Variants in ZFHX3 observed in about 807,000 individuals in gnomAD.
ZFHX3 encodes zinc finger homeobox protein 3.
In ZFHX3, 42 loss-of-function variants were observed where a neutral mutation model predicts 279.1. The ratio of observed to expected loss-of-function variants is 0.15; its 90% CI spans 0.12 to 0.19. ZFHX3 has a LOEUF of 0.19. Among genes scored for constraint, ZFHX3 ranks in the 10% least tolerant of loss-of-function variants. ZFHX3 has a pLI of 1.00. For synonymous variants in ZFHX3, 2,293 were observed against 1,957.8 expected (o/e 1.17, Z -4.52); for missense variants, 4,981 against 4,754.0 (o/e 1.05, Z -1.40).
intron 2 of ZFHX3, among the ~76,000 whole-genome samples, chr16:73,580,392 C>A (rs1441276791): frequency 6.6e-6 from 1 of 151,908 alleles, no homozygotes; most frequent in Non-Finnish European, 1.5e-5. Flanking sequence ...GCAGGAGAAT[C>A]TCTTGTACCC....
chr16:73,132,770 C>G (rs898529392), intron 6 of ZFHX3, among the ~76,000 whole-genome samples: 1 of 152,182 alleles, frequency 6.6e-6, no homozygotes, highest in Non-Finnish European at 1.5e-5. Context: ...AATCGTGTCA[C>G]AGTCACAGCC....
At chr16:73,617,035 T>A (rs1236406627) in intron 2 of ZFHX3, among the ~76,000 whole-genome samples, 2 of 152,208 alleles carry the variant, frequency 1.3e-5, no homozygotes, top group Non-Finnish European at 2.9e-5. Context: ...CTGTGTCAAC[T>A]CTATTAATCA....
intron 5 of ZFHX3, among the ~76,000 whole-genome samples, chr16:73,225,209 A>G (rs994079819): frequency 6.6e-6 from 1 of 152,234 alleles, no homozygotes; most frequent in Non-Finnish European, 1.5e-5. Flanking sequence ...ACTAGTTTAA[A>G]GAATCCTTTT....
intron 1 of ZFHX3, among the ~76,000 whole-genome samples, chr16:73,820,632 G>A (rs1384811588): frequency 2.0e-5 from 3 of 152,004 alleles, no homozygotes; most frequent in Non-Finnish European, 2.9e-5. Context: ...AACCCCCTGT[G>A]AGACTCCAAG....
intron 3 of ZFHX3, among the ~76,000 whole-genome samples, chr16:72,927,401 C>A (rs1372170060): frequency 6.6e-6 from 1 of 152,200 alleles, no homozygotes; most frequent in Non-Finnish European, 1.5e-5. Flanking sequence ...CTTCTGAGGG[C>A]AACACCTGCT....
chr16:73,293,571 C>T (rs2014827790), intron 4 of ZFHX3, among the ~76,000 whole-genome samples: 1 of 152,150 alleles, frequency 6.6e-6, no homozygotes, highest in South Asian at 2.1e-4. Context: ...CCCCATGGAT[C>T]TGGGAATGAG....
chr16:73,783,114 C>G (rs1259689780), intron 1 of ZFHX3, among the ~76,000 whole-genome samples: 1 of 152,170 alleles, frequency 6.6e-6, no homozygotes, highest in East Asian at 1.9e-4. Context: ...CACTTATTCT[C>G]CAGCTGCCCG....
At chr16:72,864,066 G>A (rs770797336) in intron 4 of ZFHX3, among the ~76,000 whole-genome samples, 2 of 151,986 alleles carry the variant, frequency 1.3e-5, no homozygotes, top group African/African-American at 2.4e-5. Flanking sequence ...GCAGTGAGCC[G>A]AGACAGTGCC....
chr16:72,938,494 G>T (rs72795122), intron 3 of ZFHX3, among the ~76,000 whole-genome samples: 1 of 152,236 alleles, frequency 6.6e-6, no homozygotes, highest in African/African-American at 2.4e-5. Flanking sequence ...ACAGGCGTCC[G>T]AATGTGTTTG....
chr16:72,984,856 A>C (rs1032946978), intron 1 of ZFHX3, among the ~76,000 whole-genome samples: 4 of 152,142 alleles, frequency 2.6e-5, no homozygotes, highest in Admixed American at 2.6e-4. Flanking sequence ...TATGCATTAC[A>C]TGTTTACATA....
chr16:73,708,925 C>T (rs2053330819), intron 1 of ZFHX3, among the ~76,000 whole-genome samples: 1 of 152,116 alleles, frequency 6.6e-6, no homozygotes, highest in South Asian at 2.1e-4. Context: ...GTCTCCTCTC[C>T]CATGATACGT....
chr16:73,038,067 C>T (rs1184244507), intron 1 of ZFHX3, among the ~76,000 whole-genome samples: 1 of 152,204 alleles, frequency 6.6e-6, no homozygotes, highest in Non-Finnish European at 1.5e-5. Flanking sequence ...TTAGACTTTC[C>T]AAAACAAGGT....
At chr16:73,022,542 T>C (rs535745577) in intron 1 of ZFHX3, among the ~76,000 whole-genome samples, 1 of 152,118 alleles carries the variant, frequency 6.6e-6, no homozygotes, top group Non-Finnish European at 1.5e-5. Context: ...TGGATGCCAG[T>C]AGCATCCTCT....
chr16:72,853,980 G>A (rs2037684626), intron 4 of ZFHX3, among the ~76,000 whole-genome samples: 1 of 151,778 alleles, frequency 6.6e-6, no homozygotes, highest in South Asian at 2.1e-4. Flanking sequence ...GAAAAGAAAA[G>A]AAAAAGCTTT....
chr16:72,853,571 G>C (rs2037672213), intron 4 of ZFHX3, among the ~76,000 whole-genome samples: 4 of 152,326 alleles, frequency 2.6e-5, no homozygotes, highest in South Asian at 2.1e-4. Context: ...TCCTGCTAAA[G>C]TGTTTTTTAA....
intron 2 of ZFHX3, among the ~76,000 whole-genome samples, chr16:73,544,621 T>TG (rs1171056056): frequency 6.6e-6 from 1 of 151,996 alleles, no homozygotes; most frequent in Non-Finnish European, 1.5e-5. Context: ...TGCAAGGGGA[T>TG]GTTGACGATC....
intron 2 of ZFHX3, among the ~76,000 whole-genome samples, chr16:73,541,511 A>C (rs2020010513): frequency 6.6e-6 from 1 of 152,078 alleles, no homozygotes; most frequent in East Asian, 1.9e-4. Context: ...AAATAAAAAT[A>C]AAACAGAAAA....
At chr16:73,240,376 G>A (rs2013084790) in intron 5 of ZFHX3, among the ~76,000 whole-genome samples, 1 of 151,944 alleles carries the variant, frequency 6.6e-6, no homozygotes, top group Non-Finnish European at 1.5e-5. Context: ...ATGCCACCAT[G>A]CCTGGATCAT....
At chr16:73,701,177 C>T (rs192792139) in intron 1 of ZFHX3, among the ~76,000 whole-genome samples, 2 of 152,216 alleles carry the variant, frequency 1.3e-5, no homozygotes, top group Admixed American at 1.3e-4. Context: ...TAAGCCTCGA[C>T]AATAAATAAG....
Sources: gnomAD v4.1 joint callset for allele counts (sites outside exome capture counted in the v4.1 genomes callset) on GRCh38, gnomAD v4.1.1 for gene constraint, MANE v1.5 for transcripts, NCBI Gene and HGNC (gene_info 2026-07-23, HGNC 2026-07-21) for gene names.